Variants in TACR3 observed in about 807,000 individuals in gnomAD.
TACR3 encodes neuromedin-K receptor.
A neutral mutation model predicts 35.0 loss-of-function variants in TACR3; 34 were observed. The ratio of observed to expected loss-of-function variants is 0.97; its 90% CI spans 0.74 to 1.30. The LOEUF (loss-of-function observed/expected upper bound fraction) is 1.30. Among genes scored for constraint, TACR3 ranks in the 50% most tolerant of loss-of-function variants. The pLI, the probability that TACR3 is intolerant of heterozygous loss-of-function variation, is 0.00. For missense variants in TACR3, 558 were observed against 591.7 expected, an observed-to-expected ratio of 0.94 and a Z score of 0.59; for synonymous variants, 233 against 221.1, an observed-to-expected ratio of 1.05 and a Z score of -0.48.
At chr4:103,609,591 C>G (rs1040726264) in intron 3 of TACR3, among the ~76,000 whole-genome samples, 2 of 151,998 alleles carry the variant, frequency 1.3e-5, no homozygotes, top group South Asian at 2.1e-4. Flanking sequence ...AAACATTTGT[C>G]ATTTCTTTGT....
At chr4:103,633,509 C>T (rs1051667164) in intron 3 of TACR3, among the ~76,000 whole-genome samples, 3 of 151,934 alleles carry the variant, frequency 2.0e-5, no homozygotes, top group African/African-American at 7.3e-5. Flanking sequence ...CTGGTGCACC[C>T]ATCACCCAAG....
chr4:103,607,181 T>G (rs1724395028), intron 3 of TACR3, among the ~76,000 whole-genome samples: 2 of 151,848 alleles, frequency 1.3e-5, no homozygotes, highest in African/African-American at 4.9e-5. Flanking sequence ...ACTTAGCAAA[T>G]CATACTTATC....
intron 1 of TACR3, among the ~76,000 whole-genome samples, chr4:103,669,303 T>A (rs1726002713): frequency 6.6e-6 from 1 of 152,198 alleles, no homozygotes; most frequent in Non-Finnish European, 1.5e-5. Flanking sequence ...CTATTGTGAA[T>A]AGTGCTACAA....
intron 1 of TACR3, among the ~76,000 whole-genome samples, chr4:103,712,453 C>T (rs1470312827): frequency 1.3e-5 from 2 of 152,190 alleles, no homozygotes; most frequent in Non-Finnish European, 2.9e-5. Flanking sequence ...CCCTTCCTTA[C>T]ACCTTATACA....
chr4:103,630,121 G>A (rs116467531), intron 3 of TACR3, among the ~76,000 whole-genome samples: 16,928 of 152,074 alleles, frequency 0.11, 975 homozygotes, highest in African/African-American at 0.13. Flanking sequence ...TGGTGCTGGG[G>A]AAACTGGCTG....
At position 103,703,623 on chromosome 4, in the gene TACR3, A is replaced by T. The variant is rs116248293; in HGVS notation, c.548+15505T>A. On this transcript the variant is annotated intron_variant, in intron 1 of 4. Transcript: ENST00000304883. ...TGGAGCTGCAAACCCCAGTTGTCTA[A>T]TCTGCAGCATTTATTTAATATACCA... Among the ~76,000 whole-genome samples the T allele has an allele frequency of 8.1e-3, 1,227 of 152,244 alleles. 20 individuals are homozygous for T. Among genetic ancestry groups the T allele is most frequent in the African/African-American group, 0.028 (1,174 of 41,532 alleles).
At chr4:103,599,091 G>T (rs1724120970) in intron 3 of TACR3, among the ~76,000 whole-genome samples, 1 of 152,158 alleles carries the variant, frequency 6.6e-6, no homozygotes. Context: ...CATGAACATG[G>T]AATGTTCTTC....
At chr4:103,596,181 T>C (rs999425536) in intron 3 of TACR3, among the ~76,000 whole-genome samples, 14 of 150,070 alleles carry the variant, frequency 9.3e-5, no homozygotes, top group African/African-American at 3.4e-4. Flanking sequence ...TCCAAGTCTT[T>C]GCTATTGTGA....
At chr4:103,689,350 T>C (rs986428237) in intron 1 of TACR3, among the ~76,000 whole-genome samples, 1 of 151,922 alleles carries the variant, frequency 6.6e-6, no homozygotes, top group Non-Finnish European at 1.5e-5. Flanking sequence ...TGTATACATA[T>C]GTAACTAACC....
rs151149236 is a variant in TACR3, at chr4:103,675,688, C to A, written c.549-17285G>T. Among the ~76,000 whole-genome samples the A allele has an allele frequency of 2.8e-3, 428 of 152,110 alleles. 6 individuals carry two copies. Among genetic ancestry groups the A allele is most frequent in the African/African-American group, 9.8e-3 (408 of 41,520 alleles). ...ATATGCTTACAGGTTGGAGGCTTAG[C>A]CAATTTGCAGCACTCCTGAAAGGAA... On this transcript the variant is annotated intron_variant, in intron 1 of 4. Coordinates refer to ENST00000304883, the MANE Select transcript of TACR3 (RefSeq NM_001059.3).
chr4:103,674,972 T>A (rs1351413891), intron 1 of TACR3, among the ~76,000 whole-genome samples: 2 of 152,242 alleles, frequency 1.3e-5, no homozygotes, highest in East Asian at 1.9e-4. Flanking sequence ...TCCTAAAGAA[T>A]GAATGGCTTC....
chr4:103,604,755 A>T (rs1560803472), intron 3 of TACR3, among the ~76,000 whole-genome samples: 1 of 151,864 alleles, frequency 6.6e-6, no homozygotes. Context: ...TCAAAACAAG[A>T]CAGTTATGTG....
Position 103,654,708 on chromosome 4 carries a change from T to TA in TACR3, c.888+1485dup, listed in dbSNP as rs373382329. Reference sequence around the variant, plus strand: ...ACTTAAAGTATAATAATAATAAAATTAAAAAAAAAAGAAATAAATGACAGA... The same window carrying TA: ...ACTTAAAGTATAATAATAATAAAATTAAAAAAAAAAAGAAATAAATGACAGA... On this transcript the variant is annotated intron_variant, in intron 3 of 4. Coordinates refer to ENST00000304883, the MANE Select transcript of TACR3 (RefSeq NM_001059.3). Among the ~76,000 whole-genome samples, 1,084 of 146,806 alleles carry TA rather than the reference T, an allele frequency of 7.4e-3. 10 individuals carry two copies. Among genetic ancestry groups the TA allele is most frequent in the African/African-American group, 0.023 (926 of 40,032 alleles).
intron 1 of TACR3, among the ~76,000 whole-genome samples, chr4:103,702,280 G>A (rs1490620365): frequency 6.6e-6 from 1 of 152,162 alleles, no homozygotes; most frequent in Non-Finnish European, 1.5e-5. Flanking sequence ...CATTTATGCA[G>A]CCAAAAGACA....
intron 4 of TACR3, among the ~76,000 whole-genome samples, chr4:103,590,371 T>C (rs750521984): frequency 4.6e-5 from 7 of 152,334 alleles, no homozygotes; most frequent in Non-Finnish European, 1.0e-4. Flanking sequence ...GTTAAGGCAC[T>C]TAAAAATGAT....
At chr4:103,680,609 C>G (rs1038562708) in intron 1 of TACR3, among the ~76,000 whole-genome samples, 1 of 150,010 alleles carries the variant, frequency 6.7e-6, no homozygotes, top group African/African-American at 2.4e-5. Flanking sequence ...GCAATAAGAA[C>G]TATATACAGA....
chr4:103,713,777 A>C (rs1723025467), intron 1 of TACR3, among the ~76,000 whole-genome samples: 1 of 152,106 alleles, frequency 6.6e-6, no homozygotes, highest in Non-Finnish European at 1.5e-5. Flanking sequence ...ACTTAGTATA[A>C]AGCAACTTTT....
At chr4:103,694,647 G>A (rs1722483333) in intron 1 of TACR3, among the ~76,000 whole-genome samples, 3 of 152,212 alleles carry the variant, frequency 2.0e-5, no homozygotes, top group Admixed American at 1.3e-4. Flanking sequence ...TACATAGCAA[G>A]CAGACAACCT....
rs1312898971 is a variant in TACR3 at position 103,680,508 on chromosome 4, CACACATATATATAT to C, written c.549-22119_549-22106del. Reference sequence around the variant, plus strand: ...ATATACATACATACACACACACACACACACATATATATATACACATATATATACATATATATACA... The same window carrying C: ...ATATACATACATACACACACACACACACACATATATATACATATATATACA... On this transcript the variant is annotated intron_variant, in intron 1 of 4. Coordinates refer to ENST00000304883, the MANE Select transcript of TACR3 (RefSeq NM_001059.3). 2.1e-5 allele frequency among the ~76,000 whole-genome samples: 3 copies of C among 145,822 alleles called. No individual in the cohort carries two copies. The East Asian group carries it at 5.8e-4, about 28-fold the overall frequency.
Sources: allele counts gnomAD v4.1 joint callset (sites outside exome capture counted in the v4.1 genomes callset), GRCh38; gene constraint gnomAD v4.1.1; transcripts MANE v1.5; gene names NCBI Gene and HGNC (gene_info 2026-07-23, HGNC 2026-07-21).